Variants in MICAL2 observed in about 807,000 individuals in gnomAD.
The protein encoded by MICAL2 is [F-actin]-monooxygenase MICAL2.
Under a neutral mutation model 127.3 loss-of-function variants are expected in MICAL2, and 77 were observed. The ratio of observed to expected loss-of-function variants is 0.60; its 90% CI spans 0.50 to 0.73. MICAL2 has a LOEUF of 0.73. Ranked by LOEUF, MICAL2 falls within the 30% of genes least tolerant of loss-of-function variation. The pLI is 0.00. For missense variants in MICAL2, 1,351 were observed against 1,434.4 expected (o/e 0.94, Z 0.94); for synonymous variants, 570 against 551.1 (o/e 1.03, Z -0.48).
intron 22 of MICAL2, chr11:12,254,730 G>A (rs1251754277): frequency 6.6e-6 from 1 of 152,076 alleles, no homozygotes; most frequent in Non-Finnish European, 1.5e-5. Flanking sequence ...CCTTCTCTGG[G>A]ATTCATGTAC....
chr11:12,310,270 G>A (rs949136058), intron 29 of MICAL2, among the ~76,000 whole-genome samples: 3 of 152,134 alleles, frequency 2.0e-5, no homozygotes, highest in East Asian at 1.9e-4. Flanking sequence ...GTCCTATAGC[G>A]CTTCTCCAGT....
intron 7 of MICAL2, among the ~76,000 whole-genome samples, chr11:12,215,254 G>A (rs1274577055): frequency 2.6e-5 from 4 of 152,200 alleles, no homozygotes; most frequent in African/African-American, 7.2e-5. Context: ...TCACAACAGT[G>A]CCCTCAGACA....
intron 32 of MICAL2, chr11:12,349,805 A>C: frequency 1.9e-6 from 3 of 1,603,838 alleles, no homozygotes; most frequent in Non-Finnish European, 2.6e-6. Flanking sequence ...AGAAATGCCA[A>C]TCTAACCCAT....
In MICAL2 at chr11:12,171,537, A is replaced by G. The variant is rs539832599; in HGVS notation, c.264+9118A>G. 5.9e-5 allele frequency among the ~76,000 whole-genome samples: 9 copies of G among 152,288 alleles called. No individual in the cohort carries two copies. The South Asian group carries it at 1.2e-3, about 21-fold the overall frequency. On this transcript the variant is annotated intron_variant, in intron 3 of 27. Coordinates refer to ENST00000683283, the MANE Select transcript of MICAL2 (RefSeq NM_001282663.2). ...AATGTATCTGTCTATCTCCTACTCA[A>G]CAGGGTGGAGTACCAGGTTCAGTTC... is the stretch of plus-strand genomic sequence containing the variant.
chr11:12,116,036 A>G (rs1849992622), intron 1 of MICAL2, among the ~76,000 whole-genome samples: 1 of 139,432 alleles, frequency 7.2e-6, no homozygotes, highest in South Asian at 2.2e-4. Context: ...GCTGGAGTGC[A>G]GTGGGGCCAT....
intron 32 of MICAL2, among the ~76,000 whole-genome samples, chr11:12,331,920 G>A (rs1827895678): frequency 6.6e-6 from 1 of 151,996 alleles, no homozygotes; most frequent in Non-Finnish European, 1.5e-5. Flanking sequence ...TTATTTGTTT[G>A]TTCATCCATT....
At chr11:12,216,800 G>T (rs966436135) in intron 8 of MICAL2, among the ~76,000 whole-genome samples, 1 of 152,218 alleles carries the variant, frequency 6.6e-6, no homozygotes, top group Non-Finnish European at 1.5e-5. Flanking sequence ...CCTCCAGACT[G>T]TGGGCAAACT....
intron 29 of MICAL2, among the ~76,000 whole-genome samples, chr11:12,311,963 A>G (rs1444888547): frequency 2.0e-5 from 3 of 151,818 alleles, no homozygotes; most frequent in Non-Finnish European, 4.4e-5. Flanking sequence ...TGTTTTGGCA[A>G]ATTGTGTTTC....
downstream of MICAL2, among the ~76,000 whole-genome samples, chr11:12,268,012 C>A (rs61877174): frequency 2.6e-5 from 4 of 152,222 alleles, no homozygotes; most frequent in South Asian, 2.1e-4. Context: ...GCTTGTATAA[C>A]CCCGACAGAA....
intron 2 of MICAL2, among the ~76,000 whole-genome samples, chr11:12,146,246 A>T (rs11022204): frequency 0.48 from 72,374 of 151,938 alleles, 17,877 homozygotes; most frequent in South Asian, 0.68. Flanking sequence ...GCTTCTGCAC[A>T]GCAAAAGAAA....
intron 7 of MICAL2, among the ~76,000 whole-genome samples, chr11:12,215,807 C>T (rs1353772064): frequency 2.0e-5 from 3 of 152,224 alleles, no homozygotes; most frequent in South Asian, 4.1e-4. Context: ...AGAATTCCCA[C>T]AGCTCTATGC....
intron 29 of MICAL2, among the ~76,000 whole-genome samples, chr11:12,305,112 G>T (rs144103122): frequency 3.5e-4 from 54 of 152,228 alleles, no homozygotes; most frequent in African/African-American, 1.3e-3. Flanking sequence ...CTGTATTAGT[G>T]CATTCTCACA....
At chr11:12,162,033 A>C in intron 2 of MICAL2, 46 bp from the exon 3 acceptor site, 1 of 1,373,156 alleles carries the variant, frequency 7.3e-7, no homozygotes, top group African/African-American at 1.4e-5. Flanking sequence ...CCCCCACCCT[A>C]ACCTCATCGT....
At position 12,187,602 on chromosome 11, in the gene MICAL2, C is replaced by T. The variant is rs189574418; in HGVS notation, c.265-16648C>T. Among the ~76,000 whole-genome samples, 167 of 152,336 alleles carry T rather than the reference C, an allele frequency of 1.1e-3. 2 individuals carry two copies. Among genetic ancestry groups the T allele is most frequent in the Admixed American group, 9.9e-3 (152 of 15,304 alleles). On this transcript the variant is annotated intron_variant, in intron 3 of 27. Transcript: ENST00000683283. ...GGAACTCACTTGAGATGGACTCAGACGCTGTGGTTTTGAAGGCTTTGTTGT... is the reference window on the plus strand; with the variant it reads ...GGAACTCACTTGAGATGGACTCAGATGCTGTGGTTTTGAAGGCTTTGTTGT...
chr11:12,190,488 T>C (rs1025394780), intron 3 of MICAL2, among the ~76,000 whole-genome samples: 3 of 152,214 alleles, frequency 2.0e-5, no homozygotes, highest in Non-Finnish European at 4.4e-5. Context: ...ACTTATTTCA[T>C]TGGTAAAGGT....
At chr11:12,324,132 G>A (rs1864330570) in intron 31 of MICAL2, 3 of 1,565,440 alleles carry the variant, frequency 1.9e-6, no homozygotes, top group Non-Finnish European at 2.6e-6. Context: ...GACTCTGGAT[G>A]GGAAAGAGTT....
chr11:12,242,537 C>G (rs1860124936), intron 19 of MICAL2, 105 bp downstream of exon 19: 1 of 1,428,604 alleles, frequency 7.0e-7, no homozygotes. Flanking sequence ...TGCCCACCCC[C>G]TGTCTCTCAT....
intron 1 of MICAL2, among the ~76,000 whole-genome samples, chr11:12,123,544 A>G (rs538582817): frequency 6.6e-6 from 1 of 152,274 alleles, no homozygotes; most frequent in East Asian, 1.9e-4. Context: ...TGGCTCCTGA[A>G]ATGTTTTAGA....
chr11:12,239,691 A>G, intron 17 of MICAL2, 106 bp downstream of exon 17: 3 of 1,347,882 alleles, frequency 2.2e-6, no homozygotes, highest in Non-Finnish European at 3.0e-6. Flanking sequence ...CCTGGTCCCA[A>G]GGAGACTTGA....
Sources: allele counts gnomAD v4.1 joint callset (sites outside exome capture counted in the v4.1 genomes callset), GRCh38; gene constraint gnomAD v4.1.1; transcripts MANE v1.5; gene names NCBI Gene and HGNC (gene_info 2026-07-23, HGNC 2026-07-21).